Variants in FABP12 observed in about 807,000 individuals in gnomAD.
The protein encoded by FABP12 is fatty acid-binding protein 12.
FABP12 carries 19 observed loss-of-function variants against 13.7 expected under a neutral mutation model. The ratio of observed to expected loss-of-function variants is 1.39; its 90% confidence interval spans 0.97 to 2.04. The LOEUF (loss-of-function observed/expected upper bound fraction) is 2.04. FABP12 is among the 30% of genes most tolerant of loss of function. The pLI is 0.00. For synonymous variants in FABP12, 61 were observed against 57.0 expected, an observed-to-expected ratio of 1.07 and a Z score of -0.32; for missense variants, 182 against 164.2, an observed-to-expected ratio of 1.11 and a Z score of -0.59.
chr8:81,566,678 A>G (rs938612221), intron 1 of FABP12, among the ~76,000 whole-genome samples: 1 of 152,186 alleles, frequency 6.6e-6, no homozygotes, highest in Admixed American at 6.5e-5. Context: ...TAAAAGCCAT[A>G]TAAGATAGAC....
At chr8:81,538,193 C>A (rs1809269161), upstream of FABP12, among the ~76,000 whole-genome samples, 1 of 152,132 alleles carries the variant, frequency 6.6e-6, no homozygotes, top group Non-Finnish European at 1.5e-5. Flanking sequence ...ACGAGGGCAG[C>A]ACCAAGCCAT....
chr8:81,546,007 G>T lies in FABP12; in HGVS notation c.-184-6264C>A, dbSNP rs79337719. On this transcript the variant is annotated intron_variant, in intron 1 of 5. Coordinates refer to the FABP12 transcript ENST00000692030. ...CCAAGATCTCACAATTTAGTGGAAG[G>T]TTGAAATGTCATGAGTATCCTAGGG... 8.5e-5 allele frequency among the ~76,000 whole-genome samples: 13 copies of T among 152,312 alleles called. No homozygotes were observed. The East Asian group carries it at 2.5e-3, about 29-fold the overall frequency.
At position 81,527,132 on chromosome 8, in the gene FABP12, G is replaced by T; in HGVS notation, c.247-11C>A. ...TAAGGTTACTTTACTCTGAAAAACAGAAAAAACTAAATTCAGATCAGCTTG... is the reference window on the plus strand; with the variant it reads ...TAAGGTTACTTTACTCTGAAAAACATAAAAAACTAAATTCAGATCAGCTTG... On this transcript the variant is annotated splice_polypyrimidine_tract_variant and intron_variant, in intron 3 of 4. Coordinates refer to ENST00000360464, the Ensembl canonical transcript of FABP12. 2 of 1,481,912 alleles carry T rather than the reference G, an allele frequency of 1.3e-6. No homozygotes were observed. Among genetic ancestry groups the T allele is most frequent in the East Asian group, 2.3e-5 (1 of 44,094 alleles). The allele number at this position is 1,481,912 out of a possible 1,614,324, so 91.8% of individuals were successfully genotyped here. A position where few individuals can be genotyped will look rare whatever the true frequency, so the allele number is the denominator to read the frequency against.
intron 1 of FABP12, among the ~76,000 whole-genome samples, chr8:81,574,845 T>C (rs1243490782): frequency 6.6e-6 from 1 of 152,188 alleles, no homozygotes; most frequent in Admixed American, 6.5e-5. Context: ...TCTCTTCTGT[T>C]CTTGGTTAAT....
At chr8:81,541,844 C>T (rs1481047872) in intron 1 of FABP12, among the ~76,000 whole-genome samples, 1 of 122,846 alleles carries the variant, frequency 8.1e-6, no homozygotes, top group Non-Finnish European at 1.6e-5. Flanking sequence ...AATAGGACAG[C>T]GTGTAGAAAT....
intron 1 of FABP12, among the ~76,000 whole-genome samples, chr8:81,554,743 A>G (rs1809578975): frequency 6.6e-6 from 1 of 152,144 alleles, no homozygotes; most frequent in Non-Finnish European, 1.5e-5. Flanking sequence ...GGCCCCATTG[A>G]AAGAAGAATT....
At chr8:81,588,329 A>G (rs985446394) in intron 1 of FABP12, among the ~76,000 whole-genome samples, 1 of 152,104 alleles carries the variant, frequency 6.6e-6, no homozygotes, top group South Asian at 2.1e-4. Context: ...CTCCCTTCCT[A>G]TTTGGATGCC....
chr8:81,588,139 A>T (rs1445304102), intron 1 of FABP12, among the ~76,000 whole-genome samples: 2 of 152,186 alleles, frequency 1.3e-5, no homozygotes, highest in Non-Finnish European at 2.9e-5. Flanking sequence ...CAGTCCACTG[A>T]CGCAAATGTT....
At chr8:81,552,054 G>C (rs779295176) in intron 1 of FABP12, among the ~76,000 whole-genome samples, 1 of 152,152 alleles carries the variant, frequency 6.6e-6, no homozygotes, top group Non-Finnish European at 1.5e-5. Context: ...GCAACAGCAG[G>C]AATCTGTGAC....
chr8:81,589,857 T>C (rs923093862), intron 1 of FABP12, among the ~76,000 whole-genome samples: 1 of 152,196 alleles, frequency 6.6e-6, no homozygotes, highest in Admixed American at 6.5e-5. Context: ...TGGCCTTAAA[T>C]ATAGATGCTT....
chr8:81,577,447 A>G (rs1810068396), intron 1 of FABP12, among the ~76,000 whole-genome samples: 1 of 152,152 alleles, frequency 6.6e-6, no homozygotes, highest in African/African-American at 2.4e-5. Context: ...TTTAGTTATT[A>G]TATGTATCTT....
At chr8:81,542,839 T>C (rs1430169577) in intron 1 of FABP12, among the ~76,000 whole-genome samples, 2 of 152,198 alleles carry the variant, frequency 1.3e-5, no homozygotes, top group South Asian at 4.1e-4. Context: ...AGAGATGAGA[T>C]TAATATCTTT....
At chr8:81,534,576 CATG>C (rs1809175514), upstream of FABP12, among the ~76,000 whole-genome samples, 1 of 152,150 alleles carries the variant, frequency 6.6e-6, no homozygotes, top group African/African-American at 2.4e-5. Context: ...TGCCTGATAA[CATG>C]ATATTGTGCC....
At chr8:81,557,812 CT>C (rs1370088585) in intron 1 of FABP12, among the ~76,000 whole-genome samples, 2 of 152,120 alleles carry the variant, frequency 1.3e-5, no homozygotes, top group East Asian at 3.9e-4. Context: ...TAAGAAAAAG[CT>C]TTTTTTTCCT....
At chr8:81,566,205 C>T (rs536639200) in intron 1 of FABP12, among the ~76,000 whole-genome samples, 3 of 152,100 alleles carry the variant, frequency 2.0e-5, no homozygotes, top group Admixed American at 6.5e-5. Flanking sequence ...CCATCAGTGA[C>T]CCGATGGTGT....
chr8:81,587,834 G>A (rs1810265322), intron 1 of FABP12, among the ~76,000 whole-genome samples: 1 of 152,042 alleles, frequency 6.6e-6, no homozygotes, highest in African/African-American at 2.4e-5. Context: ...ATCACAAGGT[G>A]AAGTCCCACA....
chr8:81,542,272 T>G (rs998374320), intron 1 of FABP12, among the ~76,000 whole-genome samples: 1 of 152,096 alleles, frequency 6.6e-6, no homozygotes, highest in Non-Finnish European at 1.5e-5. Context: ...TCAGGAGAAC[T>G]TACTCCTTAA....
chr8:81,527,051 G>A lies in FABP12; in HGVS notation c.317C>T (p.Thr106Met), dbSNP rs568288088. 2.9e-5 allele frequency: 46 copies of A among 1,610,790 alleles called. 1 individual carries two copies. Among genetic ancestry groups the A allele is most frequent in the Middle Eastern group, 1.6e-4 (1 of 6,082 alleles). Residue 106 changes from threonine (T) to methionine (M), a missense_variant, in exon 4 of 5, where the codon ACG becomes ATG. Thr to Met is a moderately conservative substitution (Grantham distance 81, BLOSUM62 -1). Coordinates refer to ENST00000360464, the Ensembl canonical transcript of FABP12. Reference sequence around the variant, plus strand: ...CATTTTCCCATCCACCAGCTTTCTCGTTATGGTGGTTTCTTTGCCATCCCA... The same window carrying A: ...CATTTTCCCATCCACCAGCTTTCTCATTATGGTGGTTTCTTTGCCATCCCA...
intron 1 of FABP12, among the ~76,000 whole-genome samples, chr8:81,581,334 G>C (rs1355855803): frequency 6.6e-6 from 1 of 152,150 alleles, no homozygotes; most frequent in Non-Finnish European, 1.5e-5. Flanking sequence ...ACACTCTTCT[G>C]CTCCAAAAGT....
Sources: gnomAD v4.1 joint callset for allele counts (sites outside exome capture counted in the v4.1 genomes callset) on GRCh38, gnomAD v4.1.1 for gene constraint, MANE v1.5 for transcripts, NCBI Gene and HGNC (gene_info 2026-07-23, HGNC 2026-07-21) for gene names.